Variants in SYNPO2 observed in about 807,000 individuals in gnomAD.
SYNPO2 encodes the protein synaptopodin 2.
SYNPO2 carries 56 observed loss-of-function variants against 85.0 expected under a neutral mutation model. The observed-to-expected ratio is 0.66, with a 90% CI of 0.53 to 0.82. The LOEUF (loss-of-function observed/expected upper bound fraction) is 0.82, where lower values mean the gene tolerates loss of function less well. Ranked by LOEUF, SYNPO2 falls within the 40% of genes least tolerant of loss-of-function variation. SYNPO2 has a pLI of 0.00. For missense variants in SYNPO2, 1,575 were observed against 1,534.2 expected (o/e 1.03, Z -0.44); for synonymous variants, 602 against 591.1 (o/e 1.02, Z -0.27).
chr4:118,885,507 C>G (rs1486642132), upstream of SYNPO2, among the ~76,000 whole-genome samples: 1 of 148,546 alleles, frequency 6.7e-6, no homozygotes, highest in Admixed American at 6.8e-5. Flanking sequence ...GAGTCTTGCT[C>G]TATTGCCCAG....
At chr4:118,883,022 A>G (rs866418293) in intron 1 of SYNPO2, among the ~76,000 whole-genome samples, 1 of 150,204 alleles carries the variant, frequency 6.7e-6, no homozygotes, top group Non-Finnish European at 1.5e-5. Context: ...CGGCCTCCCA[A>G]AGTGCTGGGA....
chr4:118,856,446 C>A (rs929408903), intron 1 of SYNPO2, among the ~76,000 whole-genome samples: 4 of 152,090 alleles, frequency 2.6e-5, no homozygotes, highest in African/African-American at 9.7e-5. Context: ...TCGCACTAAG[C>A]CATGGTTTAT....
chr4:119,011,520 C>CA (rs1471960016), intron 1 of SYNPO2, among the ~76,000 whole-genome samples: 2 of 152,032 alleles, frequency 1.3e-5, no homozygotes, highest in Non-Finnish European at 2.9e-5. Context: ...TCAATGGGAG[C>CA]AAATCTTTTC....
intron 1 of SYNPO2, among the ~76,000 whole-genome samples, chr4:118,894,838 A>T (rs532130055): frequency 6.3e-4 from 78 of 122,886 alleles, no homozygotes; most frequent in Admixed American, 4.0e-3. Flanking sequence ...TTCACATTTT[A>T]AAAAAAAAAA....
At chr4:119,035,299 A>C (rs1362126143) in intron 4 of SYNPO2, 1 of 985,328 alleles carries the variant, frequency 1.0e-6, no homozygotes, top group Non-Finnish European at 1.2e-6. Context: ...GGAGGAAGGA[A>C]GGTTCCATGG....
Position 118,889,074 on chromosome 4 carries a change from G to C in SYNPO2, c.38G>C (p.Gly13Ala), listed in dbSNP as rs1404418873. Reference protein sequence around the residue: ...TGDFICISMTGGAPWGFRLQG... With the variant: ...TGDFICISMTAGAPWGFRLQG... ...GATTTTATCTGCATTTCCATGACTG[G>C]AGGGGCGCCCTGGGGGTTCAGATTG... is the stretch of plus-strand genomic sequence containing the variant. The change falls in exon 1 of 5, where the codon GGA (glycine) becomes GCA (alanine). Residue 13 changes from glycine to alanine, a missense_variant. Coordinates refer to ENST00000307142, the MANE Select transcript of SYNPO2 (RefSeq NM_133477.3). 1.2e-6 allele frequency: 2 copies of C among 1,614,168 alleles called. No individual in the cohort carries two copies. The highest frequency in any genetic ancestry group is 3.3e-5 in the Admixed American group (2 of 60,018).
chr4:119,017,543 CAA>C (rs3052104), intron 1 of SYNPO2, among the ~76,000 whole-genome samples: 57,198 of 149,154 alleles, frequency 0.38, 11,721 homozygotes, highest in South Asian at 0.48. Context: ...CATTTTCTGT[CAA>C]AAAAAAAAAA....
chr4:118,854,460 A>G lies in SYNPO2; in HGVS notation c.12+3520A>G, dbSNP rs9784558. On this transcript the variant is annotated intron_variant, in intron 1 of 4. Transcript: ENST00000610556. Reference sequence around the variant, plus strand: ...CAAATAGAAAACCAGCCAATTCAAAATAGTTCAATTTTTTTTCTATATGAA... The same window carrying G: ...CAAATAGAAAACCAGCCAATTCAAAGTAGTTCAATTTTTTTTCTATATGAA... Among the ~76,000 whole-genome samples the G allele has an allele frequency of 6.2e-3, 941 of 152,324 alleles. 7 individuals carry two copies. The highest frequency in any genetic ancestry group is 0.02 in the African/African-American group (847 of 41,570).
At chr4:118,945,759 T>C (rs550918592) in intron 1 of SYNPO2, among the ~76,000 whole-genome samples, 1 of 152,038 alleles carries the variant, frequency 6.6e-6, no homozygotes, top group Admixed American at 6.5e-5. Flanking sequence ...TTTTTTGTTT[T>C]TTTTTGAGAT....
intron 1 of SYNPO2, among the ~76,000 whole-genome samples, chr4:118,922,912 T>C (rs533918322): frequency 3.0e-4 from 45 of 152,322 alleles, no homozygotes; most frequent in African/African-American, 9.9e-4. Context: ...TAGTATAGTT[T>C]AGCCATATTT....
intron 1 of SYNPO2, among the ~76,000 whole-genome samples, chr4:119,022,364 G>T (rs1737753245): frequency 6.6e-6 from 1 of 151,986 alleles, no homozygotes; most frequent in South Asian, 2.1e-4. Flanking sequence ...ACGGGGTCTT[G>T]CTCTGTCCCC....
chr4:118,908,723 T>C (rs1733027692), intron 1 of SYNPO2, among the ~76,000 whole-genome samples: 1 of 152,120 alleles, frequency 6.6e-6, no homozygotes, highest in African/African-American at 2.4e-5. Flanking sequence ...TAAAGCCTTA[T>C]AGAACAGGAG....
At chr4:118,937,394 C>T (rs566732016) in intron 1 of SYNPO2, among the ~76,000 whole-genome samples, 1 of 152,278 alleles carries the variant, frequency 6.6e-6, no homozygotes, top group East Asian at 1.9e-4. Context: ...CATTAATTCT[C>T]AACCAGTGTC....
intron 1 of SYNPO2, among the ~76,000 whole-genome samples, chr4:118,933,769 G>A (rs984851950): frequency 6.7e-5 from 10 of 149,870 alleles, no homozygotes; most frequent in Non-Finnish European, 1.5e-4. Context: ...ATCTGTTCAC[G>A]AGGTCATTAA....
intron 4 of SYNPO2, chr4:119,037,152 G>A: frequency 1.3e-6 from 2 of 1,546,144 alleles, no homozygotes; most frequent in South Asian, 2.4e-5. Context: ...GATATCATAA[G>A]GACCTACTTC....
chr4:118,909,224 G>T (rs114556384), intron 1 of SYNPO2, among the ~76,000 whole-genome samples: 378 of 152,346 alleles, frequency 2.5e-3, no homozygotes, highest in African/African-American at 8.8e-3. Context: ...GCTCTTTTCA[G>T]GGTTGTGAAA....
At chr4:118,986,980 G>A (rs1396960065) in intron 1 of SYNPO2, among the ~76,000 whole-genome samples, 2 of 152,134 alleles carry the variant, frequency 1.3e-5, no homozygotes, top group Admixed American at 1.3e-4. Flanking sequence ...CTGCAAATGT[G>A]TTATATGTCT....
In SYNPO2 at chr4:119,026,699, G is replaced by T; in HGVS notation, c.330G>T (p.Gly110=). 6.2e-7 allele frequency: 1 copy of T among 1,614,090 alleles called. No individual in the cohort carries two copies. The highest frequency in any genetic ancestry group is 8.5e-7 in the Non-Finnish European group (1 of 1,180,002). ...AAAACCTCGAGCATCTCACACATGG[G>T]GGTTATGTGGAAAGTACCACCCTGC... is the stretch of plus-strand genomic sequence containing the variant. ...ENKNLEHLTH[G]GYVESTTLQI... Residue 110 remains glycine, a synonymous_variant, in exon 3 of 5, where the codon GGG becomes GGT. Transcript: ENST00000307142.
chr4:119,007,216 G>GTATATATATATATATA (rs66895824), intron 1 of SYNPO2, among the ~76,000 whole-genome samples: 28 of 46,262 alleles, frequency 6.1e-4, no homozygotes, highest in Admixed American at 1.2e-3. Context: ...AAGAACAAAG[G>GTATATATATATATATA]TATATATATA....
Sources: gnomAD v4.1 joint callset for allele counts (sites outside exome capture counted in the v4.1 genomes callset) on GRCh38, gnomAD v4.1.1 for gene constraint, MANE v1.5 for transcripts, NCBI Gene and HGNC (gene_info 2026-07-23, HGNC 2026-07-21) for gene names.